Variants in TCAF1 observed in about 807,000 individuals in gnomAD.
TCAF1 encodes the protein TRPM8 channel-associated factor 1.
Under a neutral mutation model 27.3 loss-of-function variants are expected in TCAF1, and 4 were observed. The observed-to-expected ratio is 0.15, with a 90% CI of 0.07 to 0.34. The LOEUF (loss-of-function observed/expected upper bound fraction) is 0.34, where lower values mean the gene tolerates loss of function less well. Among genes scored for constraint, TCAF1 ranks in the 10% least tolerant of loss-of-function variants. TCAF1 has a pLI of 1.00. For missense variants in TCAF1, 257 were observed against 425.8 expected (o/e 0.60, Z 3.49); for synonymous variants, 105 against 167.1 (o/e 0.63, Z 2.87).
intron 7 of TCAF1, among the ~76,000 whole-genome samples, chr7:143,857,711 AT>A (rs1190584995): frequency 3.3e-5 from 5 of 149,802 alleles, no homozygotes; most frequent in African/African-American, 1.2e-4. Flanking sequence ...AATTGGCAGA[AT>A]TGGAAAAATC....
chr7:143,885,238 C>G, intron 1 of TCAF1: 3 of 985,596 alleles, frequency 3.0e-6, no homozygotes, highest in Non-Finnish European at 3.6e-6. Context: ...CCACACCAGG[C>G]TACTTTGGAG....
chr7:143,878,185 GTA>G (rs1812824596), intron 1 of TCAF1, among the ~76,000 whole-genome samples: 1 of 152,086 alleles, frequency 6.6e-6, no homozygotes, highest in African/African-American at 2.4e-5. Flanking sequence ...ATGCATAAAC[GTA>G]TATGTTTATA....
In TCAF1 at chr7:143,876,247, G is replaced by C. The variant is rs769342310; in HGVS notation, c.362C>G (p.Ser121Cys). The C allele has an allele frequency of 5.0e-6, 8 of 1,614,184 alleles. No homozygotes were observed. The highest frequency in any genetic ancestry group is 2.2e-5 in the East Asian group (1 of 44,880). ...DAKVEPEVKD[S>C]LGVYCIDAYN... ...GGCATCAATACAGTAAACCCCCAGG[G>C]AGTCTTTCACTTCTGGCTCAACCTT... is the stretch of plus-strand genomic sequence containing the variant. The change falls in exon 2 of 9, where the codon TCC becomes TGC. Residue 121 changes from serine to cysteine, a missense_variant. By Grantham distance (112) the Ser-to-Cys change is moderately radical. Transcript: ENST00000479870.
chr7:143,888,945 C>T (rs998888827), intron 1 of TCAF1, among the ~76,000 whole-genome samples: 8 of 151,730 alleles, frequency 5.3e-5, no homozygotes, highest in African/African-American at 1.9e-4. Context: ...AAACTAGAAA[C>T]TTGAACAGAA....
chr7:143,878,272 T>C (rs1368217121), intron 1 of TCAF1, among the ~76,000 whole-genome samples: 1 of 152,218 alleles, frequency 6.6e-6, no homozygotes. Context: ...AAAAACAATT[T>C]AACCTAACAT....
intron 1 of TCAF1, among the ~76,000 whole-genome samples, chr7:143,884,245 A>C (rs904087614): frequency 2.0e-5 from 3 of 152,158 alleles, no homozygotes; most frequent in Admixed American, 2.0e-4. Context: ...TTGAGTCCCA[A>C]CCCAAGCCAT....
intron 1 of TCAF1, among the ~76,000 whole-genome samples, chr7:143,898,062 A>C (rs1424422522): frequency 6.6e-6 from 1 of 152,142 alleles, no homozygotes; most frequent in Non-Finnish European, 1.5e-5. Context: ...TCAGAAATTA[A>C]ATACTATACT....
chr7:143,895,548 T>C (rs995062983), intron 1 of TCAF1, among the ~76,000 whole-genome samples: 2 of 151,772 alleles, frequency 1.3e-5, no homozygotes, highest in Non-Finnish European at 3.0e-5. Flanking sequence ...TGTAAATCTA[T>C]ATCCTGATAG....
chr7:143,885,707 T>C (rs993900934), intron 1 of TCAF1, among the ~76,000 whole-genome samples: 5 of 151,964 alleles, frequency 3.3e-5, no homozygotes, highest in Non-Finnish European at 5.9e-5. Context: ...ATATTATTTT[T>C]AAAATAAACA....
At position 143,901,927 on chromosome 7, in the gene TCAF1, ACCCCGCCCACCGCT is replaced by A. The variant is rs1814132632; in HGVS notation, c.-15+20_-15+33del. The A allele has an allele frequency of 6.6e-6, 1 of 151,754 alleles. No individual in the cohort carries two copies. Among genetic ancestry groups the A allele is most frequent in the Admixed American group, 6.6e-5 (1 of 15,250 alleles). 9.4% of individuals were successfully genotyped at this position (151,754 alleles called of 1,614,324 possible). A position where few individuals can be genotyped will look rare whatever the true frequency, so the allele number is the denominator to read the frequency against. ...GCCCTCCCCAGACGCTAAACGTCGC[ACCCCGCCCACCGCT>A]CCCCGCCCCGGACACTAACCCGGGG... On this transcript the variant is annotated intron_variant, in intron 1 of 8. Transcript: ENST00000479870.
chr7:143,871,383 T>C (rs1466229768), intron 2 of TCAF1, among the ~76,000 whole-genome samples: 1 of 135,700 alleles, frequency 7.4e-6, no homozygotes, highest in East Asian at 2.1e-4. Flanking sequence ...TTGTAATGTA[T>C]TCGATCTTAA....
chr7:143,867,616 G>C (rs1320688743), intron 2 of TCAF1, among the ~76,000 whole-genome samples: 1 of 116,396 alleles, frequency 8.6e-6, no homozygotes, highest in Non-Finnish European at 1.8e-5. Flanking sequence ...GAACTGCAGA[G>C]CTATTTACTT....
Position 143,877,398 on chromosome 7 carries a change from T to A in TCAF1, c.-14-776A>T, listed in dbSNP as rs114447575. On this transcript the variant is annotated intron_variant, in intron 1 of 8. Coordinates refer to ENST00000479870, the MANE Select transcript of TCAF1 (RefSeq NM_014719.3). ...CAGCTTGGAGAACTCAGAACTTCCATCTGAAATGCCTGGGCTTTCAGAAAA... is the reference window on the plus strand; with the variant it reads ...CAGCTTGGAGAACTCAGAACTTCCAACTGAAATGCCTGGGCTTTCAGAAAA... 9.1e-3 allele frequency among the ~76,000 whole-genome samples: 1,380 copies of A among 152,222 alleles called. 25 individuals are homozygous for A. The highest frequency in any genetic ancestry group is 0.031 in the African/African-American group (1,293 of 41,518).
intron 1 of TCAF1, among the ~76,000 whole-genome samples, chr7:143,890,465 C>T (rs1393831320): frequency 6.6e-6 from 1 of 152,098 alleles, no homozygotes; most frequent in African/African-American, 2.4e-5. Flanking sequence ...CCATTATTCC[C>T]ACAAACTTCT....
In TCAF1 at chr7:143,876,546, G is replaced by A. The variant is rs566341563; in HGVS notation, c.63C>T (p.Pro21=). The A allele has an allele frequency of 2.0e-5, 31 of 1,543,744 alleles. 1 individual carries two copies. In the East Asian group the frequency reaches 4.7e-4, roughly 23 times the overall value. The change falls in exon 2 of 9, where the codon CCC becomes CCT. Residue 21 remains proline, a synonymous_variant. Coordinates refer to ENST00000479870, the MANE Select transcript of TCAF1 (RefSeq NM_014719.3). ...LMNGVTSWDV[P]EDAVPCELLL... is the part of the protein sequence containing the mutation. The stretch of plus-strand genomic sequence containing the variant: ...GCAGTTCACATGGAACAGCATCTTC[G>A]GGTACATCCCAGCTTGTCACACCAT...
Position 143,851,865 on chromosome 7 carries a change from ATC to A in TCAF1, c.*2266_*2267del, listed in dbSNP as rs1586731333. 2 of 152,094 alleles carry A rather than the reference ATC, an allele frequency of 1.3e-5. No individual in the cohort carries two copies. Among genetic ancestry groups the A allele is most frequent in the South Asian group, 2.1e-4 (1 of 4,820 alleles). 9.4% of individuals were successfully genotyped at this position (152,094 alleles called of 1,614,324 possible). The stretch of plus-strand genomic sequence containing the variant: ...TCCACTTCTCTTCCTCTAATTCTCA[ATC>A]TCTTTCTGCTTTCTTTCCCTTTGTC... On this transcript the variant is annotated 3_prime_UTR_variant, in exon 9 of 9. Transcript: ENST00000479870.
At chr7:143,883,842 T>C (rs545515461) in intron 1 of TCAF1, among the ~76,000 whole-genome samples, 2 of 152,296 alleles carry the variant, frequency 1.3e-5, no homozygotes, top group East Asian at 3.9e-4. Flanking sequence ...AGCTGAGAGC[T>C]GCTCCTCTCT....
intron 1 of TCAF1, among the ~76,000 whole-genome samples, chr7:143,900,402 T>G (rs1021002725): frequency 1.6e-4 from 25 of 152,128 alleles, no homozygotes; most frequent in African/African-American, 5.8e-4. Context: ...TAAGCTGCCA[T>G]GTTGCAACCA....
At chr7:143,884,122 G>A (rs191969966) in intron 1 of TCAF1, among the ~76,000 whole-genome samples, 1 of 152,162 alleles carries the variant, frequency 6.6e-6, no homozygotes, top group Non-Finnish European at 1.5e-5. Flanking sequence ...TTGAATCAAT[G>A]TCTGGTATAC....
Sources: allele counts gnomAD v4.1 joint callset (sites outside exome capture counted in the v4.1 genomes callset), GRCh38; gene constraint gnomAD v4.1.1; transcripts MANE v1.5; gene names NCBI Gene and HGNC (gene_info 2026-07-23, HGNC 2026-07-21).